Variants in PTPDC1 observed in about 807,000 individuals in gnomAD.
The protein encoded by PTPDC1 is protein tyrosine phosphatase domain containing 1, also known as protein tyrosine phosphatase domain-containing protein 1.
Under a neutral mutation model 75.3 loss-of-function variants are expected in PTPDC1, and 53 were observed. The observed-to-expected ratio is 0.70, with a 90% CI of 0.56 to 0.88. PTPDC1 has a LOEUF of 0.88. Ranked by LOEUF, PTPDC1 falls within the 40% of genes least tolerant of loss-of-function variation. The pLI is 0.00. For missense variants in PTPDC1, 925 were observed against 998.6 expected (o/e 0.93, Z 0.99); for synonymous variants, 349 against 366.2 (o/e 0.95, Z 0.54).
intron 1 of PTPDC1, among the ~76,000 whole-genome samples, chr9:94,054,347 A>C (rs1587851421): frequency 1.3e-5 from 2 of 152,290 alleles, no homozygotes; most frequent in Non-Finnish European, 2.9e-5. Flanking sequence ...TTGGGGACAG[A>C]ATTAGGTCTG....
chr9:94,089,082 A>AT lies in PTPDC1; in HGVS notation c.616+828dup, dbSNP rs200279618. Among the ~76,000 whole-genome samples the AT allele has an allele frequency of 3.4e-4, 50 of 145,732 alleles. 1 individual carries two copies. The East Asian group carries it at 7.9e-3, about 23-fold the overall frequency. On this transcript the variant is annotated intron_variant, in intron 4 of 8. Coordinates refer to ENST00000620992, the MANE Select transcript of PTPDC1 (RefSeq NM_001253829.2). ...TACATTTTTATTTTATTTTTTTTTA[A>AT]TTTTTTTTTATTATACTTTAAGTTT...
At chr9:94,072,420 T>C (rs1359005499) in intron 2 of PTPDC1, among the ~76,000 whole-genome samples, 1 of 152,206 alleles carries the variant, frequency 6.6e-6, no homozygotes, top group Non-Finnish European at 1.5e-5. Flanking sequence ...TCACTTTCCA[T>C]TCTGGGAAGT....
chr9:94,033,166 G>T (rs956935724), intron 1 of PTPDC1, among the ~76,000 whole-genome samples: 1 of 151,986 alleles, frequency 6.6e-6, no homozygotes, highest in Admixed American at 6.6e-5. Flanking sequence ...CAGCCTGCAC[G>T]TCCTTTTTCA....
chr9:94,089,305 C>T (rs559509119), intron 4 of PTPDC1, among the ~76,000 whole-genome samples: 1 of 149,664 alleles, frequency 6.7e-6, no homozygotes, highest in Non-Finnish European at 1.5e-5. Context: ...GTTCAATTCC[C>T]ACCTATGAGT....
intron 4 of PTPDC1, among the ~76,000 whole-genome samples, chr9:94,094,565 T>C (rs540216634): frequency 9.8e-4 from 149 of 152,268 alleles, no homozygotes; most frequent in South Asian, 3.3e-3. Flanking sequence ...GTGGAGCCTA[T>C]AGAGGCAGGC....
intron 7 of PTPDC1, 46 bp downstream of exon 7, chr9:94,101,797 A>G (rs1392777848): frequency 1.8e-6 from 2 of 1,096,812 alleles, no homozygotes; most frequent in African/African-American, 1.6e-5. Flanking sequence ...TGAGGCCCTT[A>G]GTTTTTCACG....
upstream of PTPDC1, among the ~76,000 whole-genome samples, chr9:94,080,275 A>C (rs7042611): frequency 0.052 from 7,915 of 152,166 alleles, 634 homozygotes; most frequent in African/African-American, 0.18. Flanking sequence ...TATATTAAAG[A>C]TTACTGTGCC....
intron 4 of PTPDC1, among the ~76,000 whole-genome samples, chr9:94,091,397 G>A (rs1319454569): frequency 2.6e-5 from 4 of 151,922 alleles, no homozygotes; most frequent in African/African-American, 7.2e-5. Context: ...ATTGATTTGC[G>A]TATATTGAAC....
intron 8 of PTPDC1, among the ~76,000 whole-genome samples, chr9:94,105,784 T>A (rs548397177): frequency 1.3e-5 from 2 of 151,072 alleles, no homozygotes; most frequent in African/African-American, 4.9e-5. Context: ...CTGGATAACA[T>A]GGTGAAACCC....
At chr9:94,104,796 T>C (rs576439758) in intron 8 of PTPDC1, among the ~76,000 whole-genome samples, 1 of 152,284 alleles carries the variant, frequency 6.6e-6, no homozygotes, top group East Asian at 1.9e-4. Context: ...GCTAATTCAG[T>C]ACTGAGTCCT....
At chr9:94,044,906 A>G (rs1296472025) in intron 1 of PTPDC1, among the ~76,000 whole-genome samples, 1 of 151,344 alleles carries the variant, frequency 6.6e-6, no homozygotes, top group Non-Finnish European at 1.5e-5. Flanking sequence ...GGTTTGTTAC[A>G]TATGTATACA....
chr9:94,067,099 C>T (rs1826333692), intron 2 of PTPDC1, among the ~76,000 whole-genome samples: 1 of 151,938 alleles, frequency 6.6e-6, no homozygotes. Context: ...GTTAAATAAC[C>T]ACATCATTGG....
At chr9:94,070,330 C>A (rs1202479917) in intron 2 of PTPDC1, among the ~76,000 whole-genome samples, 1 of 152,192 alleles carries the variant, frequency 6.6e-6, no homozygotes, top group African/African-American at 2.4e-5. Context: ...CTGCCAGGCC[C>A]CACAGCATAT....
chr9:94,062,485 GA>G (rs1826172703), intron 1 of PTPDC1, among the ~76,000 whole-genome samples: 1 of 152,088 alleles, frequency 6.6e-6, no homozygotes, highest in Admixed American at 6.5e-5. Context: ...TTGCTATAAA[GA>G]AATACATGAA....
intron 1 of PTPDC1, among the ~76,000 whole-genome samples, chr9:94,056,401 A>G (rs927364452): frequency 2.0e-5 from 3 of 152,174 alleles, no homozygotes; most frequent in Non-Finnish European, 4.4e-5. Context: ...CACATTGACA[A>G]TATTTATTTA....
At chr9:94,101,435 T>C in intron 6 of PTPDC1, 131 bp from the exon 7 acceptor site, 2 of 627,416 alleles carry the variant, frequency 3.2e-6, no homozygotes, top group East Asian at 5.7e-5. Context: ...GGGGTCCCAG[T>C]TCTGCACTCT....
intron 1 of PTPDC1, among the ~76,000 whole-genome samples, chr9:94,043,033 C>T (rs1825477731): frequency 6.6e-6 from 1 of 152,190 alleles, no homozygotes; most frequent in Non-Finnish European, 1.5e-5. Context: ...TCTAATTCTA[C>T]TTCTCTTGCT....
chr9:94,090,588 T>C (rs1456953997), intron 4 of PTPDC1, among the ~76,000 whole-genome samples: 1 of 112,538 alleles, frequency 8.9e-6, no homozygotes, highest in Non-Finnish European at 1.8e-5. Flanking sequence ...CATATGAACT[T>C]TAAAGTAGTT....
At chr9:94,087,501 A>G (rs1827118697) in intron 2 of PTPDC1, among the ~76,000 whole-genome samples, 1 of 152,246 alleles carries the variant, frequency 6.6e-6, no homozygotes, top group South Asian at 2.1e-4. Flanking sequence ...ATAAGAATAA[A>G]TATTCATATT....
Sources: gnomAD v4.1 joint callset for allele counts (sites outside exome capture counted in the v4.1 genomes callset) on GRCh38, gnomAD v4.1.1 for gene constraint, MANE v1.5 for transcripts, NCBI Gene and HGNC (gene_info 2026-07-23, HGNC 2026-07-21) for gene names.